ALPK2: variants seen among roughly 807,000 people sequenced by gnomAD.
The protein encoded by ALPK2 is alpha-protein kinase 2.
A neutral mutation model predicts 163.1 loss-of-function variants in ALPK2; 127 were observed. The observed-to-expected ratio is 0.78, with a 90% CI of 0.67 to 0.90. ALPK2 has a LOEUF of 0.90. Among genes scored for constraint, ALPK2 ranks in the 40% least tolerant of loss-of-function variants. The pLI is 0.00. For synonymous variants in ALPK2, 953 were observed against 959.1 expected, an observed-to-expected ratio of 0.99 and a Z score of 0.12; for missense variants, 2,360 against 2,589.6, an observed-to-expected ratio of 0.91 and a Z score of 1.92.
intron 12 of ALPK2, among the ~76,000 whole-genome samples, chr18:58,490,324 A>G (rs2051366931): frequency 6.6e-6 from 1 of 152,150 alleles, no homozygotes; most frequent in Admixed American, 6.5e-5. Flanking sequence ...ATCTGAACAA[A>G]TGCCATCTGA....
intron 3 of ALPK2, among the ~76,000 whole-genome samples, chr18:58,597,385 A>G (rs1044305243): frequency 6.6e-6 from 1 of 152,234 alleles, no homozygotes; most frequent in Non-Finnish European, 1.5e-5. Context: ...TTTGTTGAGT[A>G]CCAGCACTGT....
At chr18:58,586,003 C>T (rs1000076968) in intron 3 of ALPK2, among the ~76,000 whole-genome samples, 1 of 152,172 alleles carries the variant, frequency 6.6e-6, no homozygotes, top group African/African-American at 2.4e-5. Flanking sequence ...ATTTTAAGTG[C>T]ATCTTTTACC....
At chr18:58,514,797 TATA>T (rs1163346607) in intron 10 of ALPK2, among the ~76,000 whole-genome samples, 193 bp downstream of exon 10, 1 of 149,046 alleles carries the variant, frequency 6.7e-6, no homozygotes, top group African/African-American at 2.4e-5. Flanking sequence ...AAATATTAAA[TATA>T]ATATTATTAT....
chr18:58,534,511 C>T (rs1401434578), intron 5 of ALPK2, among the ~76,000 whole-genome samples: 3 of 152,182 alleles, frequency 2.0e-5, no homozygotes, highest in Non-Finnish European at 4.4e-5. Context: ...CGGAAAAGCA[C>T]CTTCATCACA....
At chr18:58,517,443 G>T (rs1322100314) in intron 8 of ALPK2, among the ~76,000 whole-genome samples, 1 of 152,176 alleles carries the variant, frequency 6.6e-6, no homozygotes, top group African/African-American at 2.4e-5. Context: ...ATCAGGAAAA[G>T]AATTCTAGAC....
intron 12 of ALPK2, among the ~76,000 whole-genome samples, chr18:58,485,849 T>C (rs2051336256): frequency 6.6e-6 from 1 of 152,124 alleles, no homozygotes; most frequent in Non-Finnish European, 1.5e-5. Flanking sequence ...GTGTCACGAG[T>C]GGGCAGGGGC....
chr18:58,600,254 C>T (rs555900277), intron 3 of ALPK2, among the ~76,000 whole-genome samples: 1 of 152,204 alleles, frequency 6.6e-6, no homozygotes, highest in South Asian at 2.1e-4. Flanking sequence ...CCAGGCTGGT[C>T]TTGAACTCCT....
intron 4 of ALPK2, among the ~76,000 whole-genome samples, chr18:58,561,121 C>T (rs72956616): frequency 0.013 from 1,967 of 152,172 alleles, 25 homozygotes; most frequent in Non-Finnish European, 0.02. Flanking sequence ...TGTCAGATAC[C>T]GTATGTGCCC....
At chr18:58,562,215 C>T (rs926439621) in intron 4 of ALPK2, among the ~76,000 whole-genome samples, 13 of 152,196 alleles carry the variant, frequency 8.5e-5, no homozygotes, top group Non-Finnish European at 2.9e-5. Context: ...GTACTTGGAA[C>T]ACACAAATAT....
intron 1 of ALPK2, among the ~76,000 whole-genome samples, chr18:58,617,903 G>A (rs952472970): frequency 1.3e-5 from 2 of 152,180 alleles, no homozygotes; most frequent in African/African-American, 4.8e-5. Context: ...ATCTGCTCTT[G>A]TATTGATGTA....
chr18:58,541,874 G>A (rs371367628), intron 4 of ALPK2, among the ~76,000 whole-genome samples: 2 of 152,174 alleles, frequency 1.3e-5, no homozygotes, highest in African/African-American at 4.8e-5. Context: ...CCAGCTCACA[G>A]AGAAAGGGAA....
intron 1 of ALPK2, among the ~76,000 whole-genome samples, chr18:58,626,257 G>T (rs577231426): frequency 2.6e-5 from 4 of 152,074 alleles, no homozygotes; most frequent in African/African-American, 9.7e-5. Context: ...TGTGAATCTC[G>T]TCTGCTCCCT....
At chr18:58,603,546 T>G (rs1284439632) in intron 3 of ALPK2, among the ~76,000 whole-genome samples, 3 of 152,158 alleles carry the variant, frequency 2.0e-5, no homozygotes, top group Non-Finnish European at 4.4e-5. Flanking sequence ...CCCCTTCCCC[T>G]TCCTTCCACC....
At chr18:58,578,717 G>A in intron 4 of ALPK2, 97 bp downstream of exon 4, 1 of 347,466 alleles carries the variant, frequency 2.9e-6, no homozygotes, top group Non-Finnish European at 3.9e-6. Context: ...AATTGTGAAT[G>A]TGAAGTAAAG....
intron 4 of ALPK2, among the ~76,000 whole-genome samples, chr18:58,550,212 C>T (rs538991423): frequency 6.6e-6 from 1 of 152,148 alleles, no homozygotes; most frequent in South Asian, 2.1e-4. Context: ...CAGCACAACC[C>T]TTATCTATGC....
chr18:58,494,090 C>G (rs1186605078), intron 12 of ALPK2, among the ~76,000 whole-genome samples: 2 of 152,134 alleles, frequency 1.3e-5, no homozygotes, highest in Non-Finnish European at 2.9e-5. Flanking sequence ...TTAGATCGGT[C>G]TGGAGTTGGT....
chr18:58,620,773 A>G (rs2052194430), intron 1 of ALPK2, among the ~76,000 whole-genome samples: 1 of 152,272 alleles, frequency 6.6e-6, no homozygotes, highest in Non-Finnish European at 1.5e-5. Context: ...TGTGATAGCA[A>G]AAGCTAAATG....
At position 58,481,776 on chromosome 18, in the gene ALPK2, C is replaced by T. The variant is rs536578168; in HGVS notation, c.*47G>A. On this transcript the variant is annotated 3_prime_UTR_variant, in exon 13 of 13. Coordinates refer to ENST00000361673, the MANE Select transcript of ALPK2 (RefSeq NM_052947.4). ...CTGTGTGGCCTCAGATTTTCCCTGG[C>T]GAGATTGTGTGCTGCTAGCCAGTGG... The T allele has an allele frequency of 3.3e-6, 5 of 1,496,728 alleles. No homozygotes were observed. Among genetic ancestry groups the T allele is most frequent in the African/African-American group, 1.4e-5 (1 of 72,052 alleles). The allele number at this position is 1,496,728 out of a possible 1,614,324, so 92.7% of individuals were successfully genotyped here. A position where few individuals can be genotyped will look rare whatever the true frequency, so the allele number is the denominator to read the frequency against.
At position 58,481,809 on chromosome 18, in the gene ALPK2, G is replaced by C. The variant is rs2051312598; in HGVS notation, c.*14C>G. On this transcript the variant is annotated 3_prime_UTR_variant, in exon 13 of 13. Coordinates refer to ENST00000361673, the MANE Select transcript of ALPK2 (RefSeq NM_052947.4). ...TGTGCTGCTAGCCAGTGGCCATTAG[G>C]TTACCCAGGGACGTTAGGTTTTCTT... The C allele has an allele frequency of 6.2e-7, 1 of 1,606,654 alleles. No individual in the cohort carries two copies. Among genetic ancestry groups the C allele is most frequent in the East Asian group, 2.2e-5 (1 of 44,856 alleles).
Sources: allele counts gnomAD v4.1 joint callset (sites outside exome capture counted in the v4.1 genomes callset), GRCh38; gene constraint gnomAD v4.1.1; transcripts MANE v1.5; gene names NCBI Gene and HGNC (gene_info 2026-07-23, HGNC 2026-07-21).